Variants in CCDC60 observed in about 807,000 individuals in gnomAD.
The protein encoded by CCDC60 is coiled-coil domain-containing protein 60.
A neutral mutation model predicts 63.5 loss-of-function variants in CCDC60; 54 were observed. The ratio of observed to expected loss-of-function variants is 0.85; its 90% CI spans 0.68 to 1.07. The LOEUF (loss-of-function observed/expected upper bound fraction) is 1.07, where lower values mean the gene tolerates loss of function less well. Ranked by LOEUF, CCDC60 falls within the 50% of genes least tolerant of loss-of-function variation. CCDC60 has a pLI of 0.00. For synonymous variants in CCDC60, 206 were observed against 238.8 expected (o/e 0.86, Z 1.27); for missense variants, 651 against 684.3 (o/e 0.95, Z 0.54).
At chr12:119,394,989 G>T (rs1189005269) in intron 1 of CCDC60, among the ~76,000 whole-genome samples, 1 of 152,230 alleles carries the variant, frequency 6.6e-6, no homozygotes, top group Non-Finnish European at 1.5e-5. Flanking sequence ...CTTCATAATG[G>T]TGAGGATACT....
intron 3 of CCDC60, among the ~76,000 whole-genome samples, chr12:119,477,838 G>A (rs1951209496): frequency 6.6e-6 from 1 of 151,962 alleles, no homozygotes; most frequent in Non-Finnish European, 1.5e-5. Flanking sequence ...GAAGGCCAAA[G>A]TTTTTTCATT....
At position 119,403,711 on chromosome 12, in the gene CCDC60, T is replaced by C. The variant is rs544462079; in HGVS notation, c.91-24972T>C. On this transcript the variant is annotated intron_variant, in intron 1 of 13. Transcript: ENST00000327554. ...CCTCACCCCTCCCCTCCACCAACCC[T>C]ATTGCTATGCTCCAGCTGGACTGAG... 2.0e-5 allele frequency among the ~76,000 whole-genome samples: 3 copies of C among 152,162 alleles called. No homozygotes were observed. In the East Asian group the frequency reaches 5.8e-4, roughly 29 times the overall value.
chr12:119,447,957 C>G (rs1419163033), intron 2 of CCDC60: 1 of 149,268 alleles, frequency 6.7e-6, no homozygotes, highest in Admixed American at 6.7e-5. Flanking sequence ...TAGAGGCAAA[C>G]AGGCAAACTC....
At position 119,479,077 on chromosome 12, in the gene CCDC60, G is replaced by C; in HGVS notation, c.342-17G>C. The stretch of plus-strand genomic sequence containing the variant: ...TGCTCATTGTTCACATTGTTTCTCT[G>C]TCTGCTTGTCCTTCAGCACATATGA... On this transcript the variant is annotated splice_polypyrimidine_tract_variant and intron_variant, in intron 3 of 13. Coordinates refer to ENST00000327554, the MANE Select transcript of CCDC60 (RefSeq NM_178499.5). 1.3e-6 allele frequency: 2 copies of C among 1,571,152 alleles called. No homozygotes were observed. Among genetic ancestry groups the C allele is most frequent in the Non-Finnish European group, 1.8e-6 (2 of 1,141,806 alleles).
At chr12:119,451,494 A>G (rs995000747) in intron 2 of CCDC60, among the ~76,000 whole-genome samples, 11 of 152,036 alleles carry the variant, frequency 7.2e-5, no homozygotes, top group Admixed American at 2.6e-4. Context: ...CATCTGCAAA[A>G]TGGGGGCTTG....
At chr12:119,446,823 G>T (rs981238558) in intron 2 of CCDC60, among the ~76,000 whole-genome samples, 3 of 152,042 alleles carry the variant, frequency 2.0e-5, no homozygotes, top group Non-Finnish European at 4.4e-5. Flanking sequence ...GTCTAGAAAA[G>T]ATAATAGGCA....
At chr12:119,401,051 T>G (rs1194337490) in intron 1 of CCDC60, among the ~76,000 whole-genome samples, 1 of 152,222 alleles carries the variant, frequency 6.6e-6, no homozygotes, top group East Asian at 1.9e-4. Context: ...CATGGAGTAA[T>G]AAATTTCCTT....
At chr12:119,390,552 T>C (rs1956138761) in intron 1 of CCDC60, among the ~76,000 whole-genome samples, 1 of 152,214 alleles carries the variant, frequency 6.6e-6, no homozygotes, top group African/African-American at 2.4e-5. Context: ...AATGAATGAA[T>C]GTGGATGGAC....
intron 1 of CCDC60, among the ~76,000 whole-genome samples, chr12:119,356,971 G>A (rs1955724945): frequency 6.6e-6 from 1 of 152,168 alleles, no homozygotes; most frequent in South Asian, 2.1e-4. Context: ...TTTTTACACA[G>A]TGAAAAGATC....
intron 1 of CCDC60, among the ~76,000 whole-genome samples, chr12:119,376,955 C>A (rs1955956995): frequency 6.6e-6 from 1 of 151,866 alleles, no homozygotes; most frequent in South Asian, 2.1e-4. Context: ...GAGACTAAGC[C>A]CTCAATATTC....
At chr12:119,434,838 GGCTCA>G (rs72273590) in intron 2 of CCDC60, among the ~76,000 whole-genome samples, 99,324 of 151,746 alleles carry the variant, frequency 0.65, 32,851 homozygotes, top group East Asian at 0.84. Context: ...GGTAAGAGCT[GGCTCA>G]GCCCACACGC....
chr12:119,370,763 C>A (rs754724147), intron 1 of CCDC60, among the ~76,000 whole-genome samples: 1 of 152,186 alleles, frequency 6.6e-6, no homozygotes, highest in East Asian at 1.9e-4. Flanking sequence ...CATAGTGGCT[C>A]ATGCCTGTAA....
intron 2 of CCDC60, among the ~76,000 whole-genome samples, chr12:119,463,614 G>A (rs547762533): frequency 1.3e-5 from 2 of 152,374 alleles, no homozygotes; most frequent in South Asian, 4.1e-4. Context: ...CTGCTGGTAA[G>A]AAGCACTAAG....
At chr12:119,406,807 C>A (rs1480426532) in intron 1 of CCDC60, among the ~76,000 whole-genome samples, 1 of 152,182 alleles carries the variant, frequency 6.6e-6, no homozygotes, top group African/African-American at 2.4e-5. Context: ...GATCCTCAGG[C>A]TGAAGCCAGA....
At chr12:119,386,595 G>A (rs540632994) in intron 1 of CCDC60, among the ~76,000 whole-genome samples, 7 of 152,044 alleles carry the variant, frequency 4.6e-5, no homozygotes, top group South Asian at 2.1e-4. Flanking sequence ...AGGAGTAGCC[G>A]TCTGAGGGCT....
At chr12:119,505,369 AC>A in intron 7 of CCDC60, 66 bp downstream of exon 7, 1 of 1,069,196 alleles carries the variant, frequency 9.4e-7, no homozygotes, top group South Asian at 1.4e-5. Flanking sequence ...ACATCAAGAA[AC>A]CCTCCTGCCT....
At chr12:119,424,461 C>T (rs952954116) in intron 1 of CCDC60, among the ~76,000 whole-genome samples, 1 of 152,288 alleles carries the variant, frequency 6.6e-6, no homozygotes, top group African/African-American at 2.4e-5. Flanking sequence ...CTATTATTCA[C>T]ACTGCTGTGA....
chr12:119,482,113 C>CAT (rs1406494033), intron 4 of CCDC60, among the ~76,000 whole-genome samples: 4 of 143,138 alleles, frequency 2.8e-5, no homozygotes, highest in African/African-American at 1.0e-4. Flanking sequence ...TATATACACA[C>CAT]ATATATATAC....
At chr12:119,348,741 A>G (rs750996947) in intron 1 of CCDC60, among the ~76,000 whole-genome samples, 2 of 152,214 alleles carry the variant, frequency 1.3e-5, no homozygotes, top group Non-Finnish European at 2.9e-5. Context: ...TGGTATATGT[A>G]ATGCCAGGCT....
Sources: allele counts gnomAD v4.1 joint callset (sites outside exome capture counted in the v4.1 genomes callset), GRCh38; gene constraint gnomAD v4.1.1; transcripts MANE v1.5; gene names NCBI Gene and HGNC (gene_info 2026-07-23, HGNC 2026-07-21).